The following SCAP variants were observed in gnomAD, a reference collection of about 807,000 sequenced individuals.
SCAP encodes the protein sterol regulatory element-binding protein cleavage-activating protein.
In SCAP, 65 loss-of-function variants were observed where a neutral mutation model predicts 123.6. The observed-to-expected ratio is 0.53, with a 90% confidence interval of 0.43 to 0.65. The LOEUF (loss-of-function observed/expected upper bound fraction) is 0.65. Among genes scored for constraint, SCAP ranks in the 30% least tolerant of loss-of-function variants. The pLI, the probability that SCAP is intolerant of heterozygous loss-of-function variation, is 0.00. For missense variants in SCAP, 1,398 were observed against 1,712.5 expected (o/e 0.82, Z 3.24); for synonymous variants, 740 against 726.3 (o/e 1.02, Z -0.30).
intron 4 of SCAP, among the ~76,000 whole-genome samples, chr3:47,428,301 T>C (rs1706224416): frequency 6.6e-6 from 1 of 152,134 alleles, no homozygotes; most frequent in East Asian, 1.9e-4. Flanking sequence ...GACTCAAGGC[T>C]ATGTGTGTGC....
intron 8 of SCAP, 105 bp from the exon 9 acceptor site, chr3:47,424,150 G>A: frequency 1.3e-6 from 1 of 784,898 alleles, no homozygotes; most frequent in Non-Finnish European, 2.2e-6. Flanking sequence ...GGGGGCTGCT[G>A]AGTGACTCCC....
rs1458029212 is a variant in SCAP, at chr3:47,420,103, C to G, written c.1564-399G>C. ...AGGTCCTAGTCCCAGGGGGCCTCAG[C>G]CTTCCTCCCATCTCAGTTCAGCTCC... On this transcript the variant is annotated intron_variant, in intron 12 of 22. Transcript: ENST00000265565. The surrounding 1 kb of genome is among the most constrained non-coding windows in gnomAD (Gnocchi z 5.0). Among the ~76,000 whole-genome samples, 7 of 152,190 alleles carry G rather than the reference C, an allele frequency of 4.6e-5. No homozygotes were observed. The highest frequency in any genetic ancestry group is 8.8e-5 in the Non-Finnish European group (6 of 68,024).
In SCAP at chr3:47,415,101, T is replaced by C. The variant is rs753047516; in HGVS notation, c.3136A>G (p.Arg1046Gly). The C allele has an allele frequency of 1.9e-6, 3 of 1,607,306 alleles. No individual in the cohort carries two copies. The South Asian group carries it at 3.3e-5, about 18-fold the overall frequency. ...TGCCCACCCCAGGCCCTCCGACCTC[T>C]AAACTGCAGGGGGCTGAGGGCAGTG... is the stretch of plus-strand genomic sequence containing the variant. Reference protein sequence around the residue: ...THTALSPLQFRGTPGRGSSPA... With the variant: ...THTALSPLQFGGTPGRGSSPA... The change falls in exon 19 of 23, where the codon AGA (arginine) becomes GGA (glycine). Residue 1046 changes from arginine (R) to glycine (G), a missense_variant. Coordinates refer to ENST00000265565, the MANE Select transcript of SCAP (RefSeq NM_012235.4).
At position 47,419,859 on chromosome 3, in the gene SCAP, GTCC is replaced by G. The variant is rs1210120836; in HGVS notation, c.1564-158_1564-156del. Among the ~76,000 whole-genome samples, 1 of 152,214 alleles carries G rather than the reference GTCC, an allele frequency of 6.6e-6. No individual in the cohort carries two copies. Among genetic ancestry groups the G allele is most frequent in the East Asian group, 1.9e-4 (1 of 5,196 alleles). The stretch of plus-strand genomic sequence containing the variant: ...GCGTCCTTTTCTCCTGCCTCTCCAA[GTCC>G]TCCTGCTAACACCTGCCAACACTTG... On this transcript the variant is annotated intron_variant, in intron 12 of 22. Transcript: ENST00000265565. The surrounding 1 kb of genome is among the most constrained non-coding windows in gnomAD (Gnocchi z 5.0).
rs1203081972 is a variant in SCAP, at chr3:47,419,904, C to A, written c.1564-200G>T. Among the ~76,000 whole-genome samples, 1 of 152,194 alleles carries A rather than the reference C, an allele frequency of 6.6e-6. No homozygotes were observed. Among genetic ancestry groups the A allele is most frequent in the African/African-American group, 2.4e-5 (1 of 41,450 alleles). The stretch of plus-strand genomic sequence containing the variant: ...CAACACTTGCTGCTGGAGGGGCCTG[C>A]TTGCCTTTCCACAGTTAGGGGCTGA... On this transcript the variant is annotated intron_variant, in intron 12 of 22. Transcript: ENST00000265565. The surrounding 1 kb of genome is among the most constrained non-coding windows in gnomAD (Gnocchi z 5.0).
chr3:47,454,719 G>A (rs1707352415), intron 1 of SCAP, among the ~76,000 whole-genome samples: 1 of 151,974 alleles, frequency 6.6e-6, no homozygotes. Context: ...CTGCACTCCA[G>A]CCCAGATGAC....
At chr3:47,461,852 G>A (rs1013706719) in intron 1 of SCAP, among the ~76,000 whole-genome samples, 4 of 152,132 alleles carry the variant, frequency 2.6e-5, no homozygotes, top group African/African-American at 4.8e-5. Context: ...TGAGCAACAC[G>A]GTGAAACCCT....
intron 3 of SCAP, among the ~76,000 whole-genome samples, chr3:47,434,683 C>T (rs1377871408): frequency 6.6e-6 from 1 of 152,130 alleles, no homozygotes; most frequent in Non-Finnish European, 1.5e-5. Flanking sequence ...AATAAAAATA[C>T]AAAATTAGTT....
At chr3:47,464,517 C>T (rs1234264996) in intron 1 of SCAP, among the ~76,000 whole-genome samples, 1 of 152,052 alleles carries the variant, frequency 6.6e-6, no homozygotes, top group Non-Finnish European at 1.5e-5. Context: ...CAATGATCAT[C>T]CCAACTGATG....
Position 47,413,712 on chromosome 3 carries a change from TG to T in SCAP, c.*141del. ...CCAAAGTGCCTGACAGATGATGATA[TG>T]GTTTTTTAAAAAAGTTTAATATTAT... On this transcript the variant is annotated 3_prime_UTR_variant, in exon 23 of 23. Coordinates refer to ENST00000265565, the MANE Select transcript of SCAP (RefSeq NM_012235.4). 3.4e-6 allele frequency: 4 copies of T among 1,163,662 alleles called. No individual in the cohort carries two copies. Among genetic ancestry groups the T allele is most frequent in the Non-Finnish European group, 4.8e-6 (4 of 826,086 alleles). The allele number at this position is 1,163,662 out of a possible 1,614,324, so 72.1% of individuals were successfully genotyped here. A position where few individuals can be genotyped will look rare whatever the true frequency, so the allele number is the denominator to read the frequency against.
intron 2 of SCAP, among the ~76,000 whole-genome samples, chr3:47,437,827 T>C (rs1358862186): frequency 6.6e-6 from 1 of 152,142 alleles, no homozygotes; most frequent in Non-Finnish European, 1.5e-5. Context: ...CCTTTATTGG[T>C]TTTTGGTGGC....
In SCAP at chr3:47,422,362, C is replaced by A. The variant is rs977154304; in HGVS notation, c.1245+80G>T. 4.7e-6 allele frequency: 6 copies of A among 1,268,098 alleles called. No homozygotes were observed. The African/African-American group carries it at 5.9e-5, about 12-fold the overall frequency. The allele number at this position is 1,268,098 out of a possible 1,614,324, so 78.6% of individuals were successfully genotyped here. On this transcript the variant is annotated intron_variant, in intron 10 of 22. Coordinates refer to ENST00000265565, the MANE Select transcript of SCAP (RefSeq NM_012235.4). ...AGGATGCCTGTGCTGAAGAGGGGAGCACCCTGCCCATGGCTGCACAGCTGG... is the reference window on the plus strand; with the variant it reads ...AGGATGCCTGTGCTGAAGAGGGGAGAACCCTGCCCATGGCTGCACAGCTGG...
Position 47,435,052 on chromosome 3 carries a change from C to T in SCAP, c.208G>A (p.Asp70Asn). ...PVKDYSPPPV[D>N]SDRKQGEPTE... is the part of the protein sequence containing the mutation. ...GGCTCTCCTTGTTTGCGGTCAGAGT[C>T]CACAGGTGGGGGCGAGTAATCCTTC... Residue 70 changes from aspartate to asparagine, a missense_variant, in exon 3 of 23, where the codon GAC becomes AAC. Physicochemically the swap from Asp to Asn is conservative, Grantham distance 23. Transcript: ENST00000265565. 1 of 1,614,138 alleles carries T rather than the reference C, an allele frequency of 6.2e-7. No individual in the cohort carries two copies. Among genetic ancestry groups the T allele is most frequent in the Non-Finnish European group, 8.5e-7 (1 of 1,180,012 alleles).
chr3:47,415,878 CCA>C (rs1705548740), intron 18 of SCAP, among the ~76,000 whole-genome samples: 1 of 152,184 alleles, frequency 6.6e-6, no homozygotes, highest in African/African-American at 2.4e-5. Flanking sequence ...CAAGGAGAGA[CCA>C]CAGTCACCAG....
intron 1 of SCAP, among the ~76,000 whole-genome samples, chr3:47,463,945 T>A (rs1373790983): frequency 6.6e-6 from 1 of 152,076 alleles, no homozygotes; most frequent in Non-Finnish European, 1.5e-5. Flanking sequence ...GATCCTCCCA[T>A]CTCAGCCTCT....
chr3:47,458,509 T>TA (rs1389875552), intron 1 of SCAP, among the ~76,000 whole-genome samples: 10 of 152,208 alleles, frequency 6.6e-5, no homozygotes, highest in Admixed American at 6.6e-4. Flanking sequence ...TCAGAGAATT[T>TA]AAAGCCTAAA....
intron 1 of SCAP, among the ~76,000 whole-genome samples, chr3:47,464,962 T>C (rs1283265637): frequency 9.9e-5 from 15 of 152,202 alleles, no homozygotes. Flanking sequence ...TGCATTTCTA[T>C]TGTTCACTGA....
At chr3:47,435,251 T>C (rs749550679) in intron 2 of SCAP, 114 bp from the exon 3 acceptor site, 12 of 1,177,458 alleles carry the variant, frequency 1.0e-5, no homozygotes, top group Non-Finnish European at 1.4e-5. Flanking sequence ...ACTGTACAAA[T>C]GTGCAAAATA....
chr3:47,418,383 C>T lies in SCAP; in HGVS notation c.2269G>A (p.Asp757Asn), dbSNP rs373741294. Residue 757 changes from aspartate (D) to asparagine (N), a missense_variant, in exon 15 of 23, where the codon GAC becomes AAC. This residue lies in a region of SCAP where 828 missense variants were observed against 882.5 expected (regional missense o/e 0.94). Transcript: ENST00000265565. ...GTCTCGGGTGGCGCATAGCCGTAGTCGTCGCAGGGCAGCTCCCCGCGCCTC... is the reference window on the plus strand; with the variant it reads ...GTCTCGGGTGGCGCATAGCCGTAGTTGTCGCAGGGCAGCTCCCCGCGCCTC... ...RRRRGELPCDDYGYAPPETEI... is the reference protein window; with the variant it reads ...RRRRGELPCDNYGYAPPETEI... 5.7e-6 allele frequency: 9 copies of T among 1,573,680 alleles called. No homozygotes were observed. In the South Asian group the frequency reaches 1.0e-4, roughly 18 times the overall value.
Sources: gnomAD v4.1 joint callset for allele counts (sites outside exome capture counted in the v4.1 genomes callset) on GRCh38, gnomAD v4.1.1 for gene constraint, gnomAD v4.1.1 regional missense constraint, Gnocchi (gnomAD v3.1) non-coding constraint, MANE v1.5 for transcripts, NCBI Gene and HGNC (gene_info 2026-07-23, HGNC 2026-07-21) for gene names.